Variants in MYO3A observed in about 807,000 individuals in gnomAD.
MYO3A encodes the protein myosin-IIIa.
Under a neutral mutation model 192.7 loss-of-function variants are expected in MYO3A, and 180 were observed. That is an observed-to-expected ratio of 0.93 (90% confidence interval 0.83 to 1.06). MYO3A has a LOEUF of 1.06. Among genes scored for constraint, MYO3A ranks in the 50% least tolerant of loss-of-function variants. MYO3A has a pLI of 0.00. For synonymous variants in MYO3A, 628 were observed against 645.3 expected, an observed-to-expected ratio of 0.97 and a Z score of 0.41; for missense variants, 1,896 against 1,905.0, an observed-to-expected ratio of 1.00 and a Z score of 0.09.
intron 2 of MYO3A, among the ~76,000 whole-genome samples, chr10:25,936,503 A>G (rs1282208532): frequency 1.3e-5 from 2 of 152,152 alleles, no homozygotes; most frequent in Non-Finnish European, 2.9e-5. Flanking sequence ...GGAATTGATA[A>G]TTTGAATGAT....
At chr10:26,134,225 G>A (rs972286539) in intron 20 of MYO3A, among the ~76,000 whole-genome samples, 1 of 152,058 alleles carries the variant, frequency 6.6e-6, no homozygotes, top group Non-Finnish European at 1.5e-5. Context: ...AATAAAACAT[G>A]AATATTTTAT....
chr10:26,099,537 G>A (rs554129117), intron 17 of MYO3A, among the ~76,000 whole-genome samples: 4 of 152,266 alleles, frequency 2.6e-5, no homozygotes, highest in African/African-American at 9.6e-5. Context: ...GTATGATATT[G>A]GCTGTGGGTT....
intron 10 of MYO3A, among the ~76,000 whole-genome samples, chr10:26,040,173 GTTTTT>G (rs774273846): frequency 7.4e-6 from 1 of 134,630 alleles, no homozygotes; most frequent in Non-Finnish European, 1.6e-5. Context: ...CCCTTTTCCT[GTTTTT>G]TTTTTTAAGT....
At chr10:26,182,591 A>T (rs1465463341) in intron 31 of MYO3A, among the ~76,000 whole-genome samples, 2 of 152,154 alleles carry the variant, frequency 1.3e-5, no homozygotes, top group Non-Finnish European at 2.9e-5. Context: ...TCAATAAATA[A>T]TTTTTTTAAG....
At chr10:25,955,392 A>G (rs1359771757) in intron 4 of MYO3A, among the ~76,000 whole-genome samples, 2 of 152,200 alleles carry the variant, frequency 1.3e-5, no homozygotes, top group Non-Finnish European at 2.9e-5. Flanking sequence ...TTGAGGCTTC[A>G]TTAGACAAAA....
intron 28 of MYO3A, 71 bp downstream of exon 28, chr10:26,168,945 C>G: frequency 6.9e-7 from 1 of 1,441,980 alleles, no homozygotes. Context: ...GGCAAACCTC[C>G]AATTCTTGTG....
At chr10:25,988,985 C>T (rs1390651527) in intron 4 of MYO3A, among the ~76,000 whole-genome samples, 6 of 140,134 alleles carry the variant, frequency 4.3e-5, no homozygotes, top group East Asian at 4.2e-4. Context: ...GACAGCGTCT[C>T]GCTCTGTCGC....
In MYO3A at chr10:25,935,804, A is replaced by C. The variant is rs963957622; in HGVS notation, c.-44A>C. ...AAAGTTTTGGCGTCTGAGCATTGTT[A>C]TGCGTTATTTTCAAGCTTTGCTAAC... On this transcript the variant is annotated 5_prime_UTR_variant, in exon 2 of 35. An upstream start codon of the reference 5' UTR is lost. Coordinates refer to ENST00000642920, the MANE Select transcript of MYO3A (RefSeq NM_017433.5). 6.6e-6 allele frequency: 1 copy of C among 152,182 alleles called. No homozygotes were observed. The highest frequency in any genetic ancestry group is 1.5e-5 in the Non-Finnish European group (1 of 68,038). 9.4% of individuals were successfully genotyped at this position (152,182 alleles called of 1,614,324 possible). A position where few individuals can be genotyped will look rare whatever the true frequency, so the allele number is the denominator to read the frequency against.
At chr10:25,997,624 G>A (rs1564443810) in intron 6 of MYO3A, among the ~76,000 whole-genome samples, 1 of 152,148 alleles carries the variant, frequency 6.6e-6, no homozygotes, top group Admixed American at 6.5e-5. Flanking sequence ...TGAGATGTGA[G>A]GGGAAATTTT....
chr10:25,960,316 T>C (rs1837844399), intron 4 of MYO3A, among the ~76,000 whole-genome samples: 1 of 152,138 alleles, frequency 6.6e-6, no homozygotes, highest in South Asian at 2.1e-4. Flanking sequence ...CTGTATATTA[T>C]TTTACAAAAT....
chr10:26,021,516 A>C lies in MYO3A; in HGVS notation c.599A>C (p.Glu200Ala). 1 of 1,614,108 alleles carries C rather than the reference A, an allele frequency of 6.2e-7. No homozygotes were observed. The change falls in exon 8 of 35, where the codon GAA becomes GCA. Residue 200 changes from glutamate to alanine, a missense_variant. Transcript: ENST00000642920. Reference sequence around the variant, plus strand: ...GTTTTCTACTAGGTGATTGCATGTGAACAGCAATTGGATACCACTTATGAC... The same window carrying C: ...GTTTTCTACTAGGTGATTGCATGTGCACAGCAATTGGATACCACTTATGAC... ...FWMAPEVIACEQQLDTTYDAR... is the reference protein window; with the variant it reads ...FWMAPEVIACAQQLDTTYDAR...
chr10:25,955,901 A>T (rs527584428), intron 4 of MYO3A, among the ~76,000 whole-genome samples: 9 of 152,106 alleles, frequency 5.9e-5, no homozygotes, highest in African/African-American at 2.2e-4. Context: ...TTGTGCTGCT[A>T]TAACAAAAAT....
intron 10 of MYO3A, among the ~76,000 whole-genome samples, chr10:26,040,934 T>C (rs950358735): frequency 6.6e-6 from 1 of 152,122 alleles, no homozygotes; most frequent in South Asian, 2.1e-4. Context: ...AGATTAAGTC[T>C]GATGTTTCTT....
chr10:25,959,441 T>C (rs1363761835), intron 4 of MYO3A, among the ~76,000 whole-genome samples: 2 of 152,120 alleles, frequency 1.3e-5, no homozygotes, highest in Middle Eastern at 3.2e-3. Context: ...TCCACACTTT[T>C]GATTTGTTGT....
At chr10:25,949,229 T>G (rs1837050640) in intron 2 of MYO3A, among the ~76,000 whole-genome samples, 1 of 152,134 alleles carries the variant, frequency 6.6e-6, no homozygotes, top group Non-Finnish European at 1.5e-5. Context: ...ACTTTGCACA[T>G]ATTTGTTGTT....
intron 18 of MYO3A, among the ~76,000 whole-genome samples, chr10:26,124,472 A>G (rs1839079592): frequency 6.6e-6 from 1 of 152,206 alleles, no homozygotes; most frequent in Non-Finnish European, 1.5e-5. Context: ...AAATATGCCT[A>G]GAAGGAAAGA....
At chr10:25,995,539 CT>C (rs1451837285) in intron 4 of MYO3A, among the ~76,000 whole-genome samples, 11 of 152,312 alleles carry the variant, frequency 7.2e-5, no homozygotes, top group African/African-American at 2.4e-4. Flanking sequence ...TGTTCCATTG[CT>C]GGTGAGGAGC....
intron 4 of MYO3A, among the ~76,000 whole-genome samples, chr10:25,966,783 G>T (rs531336792): frequency 6.6e-6 from 1 of 152,292 alleles, no homozygotes; most frequent in African/African-American, 2.4e-5. Context: ...TCAAATTATA[G>T]TATACGTAAA....
At chr10:26,004,133 G>A (rs1841025864) in intron 6 of MYO3A, among the ~76,000 whole-genome samples, 1 of 152,320 alleles carries the variant, frequency 6.6e-6, no homozygotes, top group Admixed American at 6.5e-5. Flanking sequence ...AGAGGGGTAA[G>A]GAAGGTATCT....
Sources: allele counts gnomAD v4.1 joint callset (sites outside exome capture counted in the v4.1 genomes callset), GRCh38; gene constraint gnomAD v4.1.1; transcripts MANE v1.5; gene names NCBI Gene and HGNC (gene_info 2026-07-23, HGNC 2026-07-21).